DOCK5: variants seen among roughly 807,000 people sequenced by gnomAD.
DOCK5 encodes the protein dedicator of cytokinesis 5.
A neutral mutation model predicts 251.8 loss-of-function variants in DOCK5; 142 were observed. That is an observed-to-expected ratio of 0.56 (90% CI 0.49 to 0.65). The LOEUF is 0.65. Among genes scored for constraint, DOCK5 ranks in the 30% least tolerant of loss-of-function variants. The pLI is 0.00. For missense variants in DOCK5, 2,111 were observed against 2,312.3 expected (o/e 0.91, Z 1.79); for synonymous variants, 842 against 835.5 (o/e 1.01, Z -0.13).
chr8:25,249,940 T>C (rs1803224643), intron 2 of DOCK5, among the ~76,000 whole-genome samples: 1 of 152,278 alleles, frequency 6.6e-6, no homozygotes, highest in South Asian at 2.1e-4. Flanking sequence ...ATATGTATTA[T>C]GTAGGTACAT....
intron 2 of DOCK5, among the ~76,000 whole-genome samples, chr8:25,243,975 A>T (rs1169059836): frequency 1.3e-5 from 2 of 152,226 alleles, no homozygotes; most frequent in African/African-American, 4.8e-5. Context: ...CACCAGGGTG[A>T]AAGCTCATGC....
At chr8:25,274,266 T>A (rs1051296994) in intron 3 of DOCK5, among the ~76,000 whole-genome samples, 1 of 150,710 alleles carries the variant, frequency 6.6e-6, no homozygotes, top group African/African-American at 2.4e-5. Context: ...ACCTTTATGA[T>A]CAGCCACCCC....
rs1272353535 is a variant in DOCK5 at position 25,323,932 on chromosome 8, A to T, written c.1700A>T (p.His567Leu). ...PDGTTLQDGR[H>L]DLVVYKGDNK... ...GGCACCACTCTGCAGGATGGGAGGCACGATCTGGTGGTTTATAAGGTGGTG... is the reference window on the plus strand; with the variant it reads ...GGCACCACTCTGCAGGATGGGAGGCTCGATCTGGTGGTTTATAAGGTGGTG... The change falls in exon 17 of 52, where the codon CAC becomes CTC. Residue 567 changes from histidine to leucine, a missense_variant. His to Leu is a moderately conservative substitution (Grantham distance 99, BLOSUM62 -3). Transcript: ENST00000276440. The T allele has an allele frequency of 1.2e-6, 2 of 1,612,612 alleles. No individual in the cohort carries two copies. The highest frequency in any genetic ancestry group is 1.7e-6 in the Non-Finnish European group (2 of 1,179,316).
In DOCK5 at chr8:25,341,127, C is replaced by T. The variant is rs562621855; in HGVS notation, c.2439+139C>T. 43 of 591,090 alleles carry T rather than the reference C, an allele frequency of 7.3e-5. No homozygotes were observed. The Middle Eastern group carries it at 7.9e-4, about 11-fold the overall frequency. The allele number at this position is 591,090 out of a possible 1,614,324, so 36.6% of individuals were successfully genotyped here. The stretch of plus-strand genomic sequence containing the variant: ...AGCTTATGAATTTTAGTATGATTTA[C>T]AGAAAATAAAGGAAAAAAAATCCAT... On this transcript the variant is annotated intron_variant, in intron 23 of 51. Coordinates refer to ENST00000276440, the MANE Select transcript of DOCK5 (RefSeq NM_024940.8).
At chr8:25,205,217 C>T (rs553984874) in intron 1 of DOCK5, among the ~76,000 whole-genome samples, 32 of 151,946 alleles carry the variant, frequency 2.1e-4, no homozygotes, top group African/African-American at 5.6e-4. Flanking sequence ...ATGTGGAGAG[C>T]GCTCTCCCTC....
In DOCK5 at chr8:25,317,080, G is replaced by T; in HGVS notation, c.1392G>T (p.Lys464Asn). 1 of 1,613,972 alleles carries T rather than the reference G, an allele frequency of 6.2e-7. No individual in the cohort carries two copies. Among genetic ancestry groups the T allele is most frequent in the Non-Finnish European group, 8.5e-7 (1 of 1,179,874 alleles). Reference protein sequence around the residue: ...EFDKGKKKTPKNVEVTMSVHD... With the variant: ...EFDKGKKKTPNNVEVTMSVHD... ...ACAAAGGGAAGAAGAAGACGCCAAA[G>T]AATGTGGAGGTGACGATGTCTGTGC... Residue 464 changes from lysine to asparagine, a missense_variant, in exon 14 of 52, where the codon AAG becomes AAT. Coordinates refer to ENST00000276440, the MANE Select transcript of DOCK5 (RefSeq NM_024940.8).
rs375759660 is a variant in DOCK5 at position 25,410,140 on chromosome 8, G to T, written c.5446G>T (p.Val1816Phe). Residue 1816 changes from valine (V) to phenylalanine (F), a missense_variant, in exon 51 of 52, where the codon GTC becomes TTC. Physicochemically the swap from Val to Phe is conservative, Grantham distance 50 (BLOSUM62 -1). Coordinates refer to ENST00000276440, the MANE Select transcript of DOCK5 (RefSeq NM_024940.8). ...LQTDGIAATP[V>F]PPPPPPKSKP... Reference sequence around the variant, plus strand: ...GACAGATGGAATCGCGGCCACTCCTGTCCCACCTCCACCTCCCCCCAAAAG... The same window carrying T: ...GACAGATGGAATCGCGGCCACTCCTTTCCCACCTCCACCTCCCCCCAAAAG... The T allele has an allele frequency of 1.2e-6, 2 of 1,613,542 alleles. No individual in the cohort carries two copies. The highest frequency in any genetic ancestry group is 2.2e-5 in the East Asian group (1 of 44,790).
intron 38 of DOCK5, among the ~76,000 whole-genome samples, chr8:25,377,933 T>C (rs537935101): frequency 6.6e-6 from 1 of 150,380 alleles, no homozygotes; most frequent in Non-Finnish European, 1.5e-5. Flanking sequence ...TTGGTAAATA[T>C]GGGGTCTCAC....
At chr8:25,376,158 T>A in intron 37 of DOCK5, 1 of 984,288 alleles carries the variant, frequency 1.0e-6, no homozygotes, top group Non-Finnish European at 1.2e-6. Context: ...TGAGGCTTGT[T>A]GACTGTGGAT....
intron 2 of DOCK5, among the ~76,000 whole-genome samples, chr8:25,247,709 A>T (rs1563323684): frequency 6.6e-6 from 1 of 152,230 alleles, no homozygotes; most frequent in Middle Eastern, 3.2e-3. Flanking sequence ...TAAGGGGGTC[A>T]CTGAGCTTAG....
At position 25,408,860 on chromosome 8, in the gene DOCK5, C is replaced by T; in HGVS notation, c.5324C>T (p.Ser1775Leu). 1.2e-6 allele frequency: 2 copies of T among 1,614,024 alleles called. No individual in the cohort carries two copies. Among genetic ancestry groups the T allele is most frequent in the South Asian group, 2.2e-5 (2 of 91,088 alleles). ...KSLQLMDNRL[S>L]PFHGSSPPQS... ...CTCCAGTTGATGGATAATCGGCTAT[C>T]ACCATTTCACGGTTCTTCACCTCCT... Residue 1775 changes from serine (S) to leucine (L), a missense_variant, in exon 50 of 52, where the codon TCA (serine) becomes TTA (leucine). Physicochemically the swap from Ser to Leu is moderately radical, Grantham distance 145. Transcript: ENST00000276440.
rs1259844927 is a variant in DOCK5 at position 25,216,221 on chromosome 8, A to C, written c.44-27453A>C. Among the ~76,000 whole-genome samples the C allele has an allele frequency of 1.7e-3, 210 of 125,018 alleles. 2 individuals carry two copies. Among genetic ancestry groups the C allele is most frequent in the South Asian group, 6.5e-3 (25 of 3,828 alleles). The allele number at this position is 125,018 out of a possible 152,430, so 82.0% of individuals were successfully genotyped here. On this transcript the variant is annotated intron_variant, in intron 1 of 51. Transcript: ENST00000276440. ...TATACAATATGTGCATACAATATGT[A>C]TATATGTATACAATATGTGCATACA...
At chr8:25,243,865 A>G (rs913680801) in intron 2 of DOCK5, 108 bp downstream of exon 2, 36 of 1,065,312 alleles carry the variant, frequency 3.4e-5, no homozygotes, top group Non-Finnish European at 4.5e-5. Context: ...TTCCTGAAAC[A>G]GTGCTAGTAA....
chr8:25,359,500 G>A (rs183607931), intron 28 of DOCK5, among the ~76,000 whole-genome samples: 8 of 152,324 alleles, frequency 5.3e-5, no homozygotes, highest in South Asian at 2.1e-4. Flanking sequence ...CAACTGGTCC[G>A]TGTGGCCTGT....
chr8:25,403,453 AGTACAGATGG>A, intron 47 of DOCK5, 95 bp from the exon 48 acceptor site: 1 of 1,215,180 alleles, frequency 8.2e-7, no homozygotes. Context: ...CCACATAACC[AGTACAGATGG>A]GTACTGGTTA....
chr8:25,194,222 A>C (rs1254746101), intron 1 of DOCK5, among the ~76,000 whole-genome samples: 1 of 151,936 alleles, frequency 6.6e-6, no homozygotes, highest in Non-Finnish European at 1.5e-5. Flanking sequence ...TCAGCCCAGG[A>C]GGCGGAGGTT....
chr8:25,291,895 G>A lies in DOCK5; in HGVS notation c.322-129G>A, dbSNP rs556779730. 341 of 793,514 alleles carry A rather than the reference G, an allele frequency of 4.3e-4. 1 individual carries two copies. The highest frequency in any genetic ancestry group is 8.1e-4 in the Admixed American group (22 of 27,312). The allele number at this position is 793,514 out of a possible 1,614,324, so 49.2% of individuals were successfully genotyped here. A position where few individuals can be genotyped will look rare whatever the true frequency, so the allele number is the denominator to read the frequency against. On this transcript the variant is annotated intron_variant, in intron 5 of 51. Transcript: ENST00000276440. ...CACAAAAAAAAAAAAAAAAAGAATC[G>A]GCCAAAAGATGTTCCCTCTCATCTG...
intron 1 of DOCK5, among the ~76,000 whole-genome samples, chr8:25,215,850 G>A (rs1055640802): frequency 6.6e-5 from 10 of 150,846 alleles, no homozygotes; most frequent in African/African-American, 2.4e-4. Context: ...TAGAGAAAAG[G>A]TTATTGTCAT....
Position 25,372,735 on chromosome 8 carries a change from C to T in DOCK5, c.3684+17C>T, listed in dbSNP as rs377382743. On this transcript the variant is annotated intron_variant, in intron 35 of 51. Transcript: ENST00000276440. Reference sequence around the variant, plus strand: ...AACGTGCTGGTATGTGACATGCCTCCGGTGTGATGGGAGGGTACTGTCAGG... The same window carrying T: ...AACGTGCTGGTATGTGACATGCCTCTGGTGTGATGGGAGGGTACTGTCAGG... 8.8e-4 allele frequency: 1,417 copies of T among 1,605,168 alleles called. 26 individuals are homozygous for T. The South Asian group carries it at 0.015, about 16-fold the overall frequency.
Sources: gnomAD v4.1 joint callset for allele counts (sites outside exome capture counted in the v4.1 genomes callset) on GRCh38, gnomAD v4.1.1 for gene constraint, MANE v1.5 for transcripts, NCBI Gene and HGNC (gene_info 2026-07-23, HGNC 2026-07-21) for gene names.